The following NDUFA7 variants were observed in gnomAD, a reference collection of about 807,000 sequenced individuals.
The protein encoded by NDUFA7 is NADH:ubiquinone oxidoreductase subunit A7.
NDUFA7 carries 18 observed loss-of-function variants against 14.2 expected under a neutral mutation model. That is an observed-to-expected ratio of 1.27 (90% CI 0.88 to 1.88). The LOEUF (loss-of-function observed/expected upper bound fraction) is 1.88. Among genes scored for constraint, NDUFA7 ranks in the 40% most tolerant of loss-of-function variants. The pLI, the probability that NDUFA7 is intolerant of heterozygous loss-of-function variation, is 0.00. For synonymous variants in NDUFA7, 75 were observed against 62.1 expected, an observed-to-expected ratio of 1.21 and a Z score of -0.98; for missense variants, 172 against 147.3, an observed-to-expected ratio of 1.17 and a Z score of -0.87.
rs1388329535 is a variant in NDUFA7, at chr19:8,321,148, G to A, written c.51+160C>T. The A allele has an allele frequency of 1.5e-5, 15 of 1,017,406 alleles. No individual in the cohort carries two copies. In the East Asian group the frequency reaches 2.9e-4, roughly 20 times the overall value. 63.0% of individuals were successfully genotyped at this position (1,017,406 alleles called of 1,614,324 possible). A position where few individuals can be genotyped will look rare whatever the true frequency, so the allele number is the denominator to read the frequency against. On this transcript the variant is annotated intron_variant, in intron 1 of 3. Coordinates refer to ENST00000301457, the MANE Select transcript of NDUFA7 (RefSeq NM_005001.5). ...CAGGCCTGAGTGGTTCCCAGGCCAGGAGAGGGTCCCGGGCTGAAGGGGTGA... is the reference window on the plus strand; with the variant it reads ...CAGGCCTGAGTGGTTCCCAGGCCAGAAGAGGGTCCCGGGCTGAAGGGGTGA...
rs370793407 is a variant in NDUFA7 at position 8,311,519 on chromosome 19, G to C, written c.328C>G (p.Gln110Glu). ...PIKRWELSSD[Q>E]PYL ...AGGGTGCAGTGTCACAGGTAAGGCT[G>C]GTCCGAGGACAGCTCCCACCTCTTT... The change falls in exon 4 of 4, where the codon CAG (glutamine) becomes GAG (glutamate). Residue 110 changes from glutamine (Q) to glutamate (E), a missense_variant. Physicochemically the swap from Gln to Glu is conservative, Grantham distance 29. Transcript: ENST00000301457. 18 of 1,610,528 alleles carry C rather than the reference G, an allele frequency of 1.1e-5. No homozygotes were observed. Among genetic ancestry groups the C allele is most frequent in the Admixed American group, 1.7e-5 (1 of 59,642 alleles).
intron 3 of NDUFA7, among the ~76,000 whole-genome samples, chr19:8,315,693 G>A (rs901447986): frequency 6.6e-6 from 1 of 152,000 alleles, no homozygotes; most frequent in African/African-American, 2.4e-5. Flanking sequence ...TATGCTGAGC[G>A]CTGGTCCCCT....
In NDUFA7 at chr19:8,316,589, T is replaced by C. The variant is rs745552595; in HGVS notation, c.158A>G (p.Tyr53Cys). The C allele has an allele frequency of 9.9e-6, 16 of 1,613,826 alleles. No homozygotes were observed. The highest frequency in any genetic ancestry group is 1.3e-5 in the African/African-American group (1 of 74,828). Residue 53 changes from tyrosine (Y) to cysteine (C), a missense_variant, in exon 3 of 4, where the codon TAC (tyrosine) becomes TGC (cysteine). Tyr to Cys is a radical substitution (Grantham distance 194). Coordinates refer to ENST00000301457, the MANE Select transcript of NDUFA7 (RefSeq NM_005001.5). ...CCGGCGGCCATCGCGAGTGCAATAGTAATTGTTGGAGAGCTTGTGGCTAGG... is the reference window on the plus strand; with the variant it reads ...CCGGCGGCCATCGCGAGTGCAATAGCAATTGTTGGAGAGCTTGTGGCTAGG... ...VGPSHKLSNN[Y>C]YCTRDGRRES...
intron 2 of NDUFA7, among the ~76,000 whole-genome samples, chr19:8,318,975 GAA>G (rs113777570): frequency 1.7e-5 from 2 of 116,998 alleles, no homozygotes; most frequent in African/African-American, 6.0e-5. Context: ...TCTCAAAAAA[GAA>G]AAAAAAAAAA....
In NDUFA7 at chr19:8,316,574, T is replaced by C. The variant is rs532995788; in HGVS notation, c.173A>G (p.Asp58Gly). Residue 58 changes from aspartate to glycine, a missense_variant, in exon 3 of 4, where the codon GAT becomes GGT. Coordinates refer to ENST00000301457, the MANE Select transcript of NDUFA7 (RefSeq NM_005001.5). ...AGGGGGCACAGATTCCCGGCGGCCA[T>C]CGCGAGTGCAATAGTAATTGTTGGA... Reference protein sequence around the residue: ...KLSNNYYCTRDGRRESVPPSI... With the variant: ...KLSNNYYCTRGGRRESVPPSI... 264 of 1,614,058 alleles carry C rather than the reference T, an allele frequency of 1.6e-4. 1 individual carries two copies. The South Asian group carries it at 2.7e-3, about 17-fold the overall frequency.
At chr19:8,314,928 G>A (rs539463116) in intron 3 of NDUFA7, among the ~76,000 whole-genome samples, 17 of 152,286 alleles carry the variant, frequency 1.1e-4, no homozygotes, top group Non-Finnish European at 2.4e-4. Flanking sequence ...TTGTTAATGT[G>A]TCTGTGTAGA....
downstream of NDUFA7, among the ~76,000 whole-genome samples, chr19:8,309,697 C>T (rs192413320): frequency 6.6e-6 from 1 of 152,228 alleles, no homozygotes; most frequent in East Asian, 1.9e-4. Flanking sequence ...CTGGTACCTG[C>T]TGCCTGTAGC....
chr19:8,311,007 C>T (rs1970170861), downstream of NDUFA7, among the ~76,000 whole-genome samples: 1 of 152,162 alleles, frequency 6.6e-6, no homozygotes, highest in African/African-American at 2.4e-5. Context: ...AGCGCGAAAA[C>T]TCTGGCTCCT....
At chr19:8,320,291 T>C (rs972616508) in intron 2 of NDUFA7, among the ~76,000 whole-genome samples, 1 of 152,192 alleles carries the variant, frequency 6.6e-6, no homozygotes, top group Non-Finnish European at 1.5e-5. Context: ...TTATTTTGTT[T>C]TGTCTTCAAA....
chr19:8,317,042 C>A (rs997814346), intron 2 of NDUFA7, among the ~76,000 whole-genome samples: 6 of 152,124 alleles, frequency 3.9e-5, no homozygotes, highest in African/African-American at 9.7e-5. Context: ...AGGCTCTGGA[C>A]GCCCTGCGTT....
chr19:8,316,158 A>G (rs1970230977), intron 3 of NDUFA7, among the ~76,000 whole-genome samples: 1 of 151,592 alleles, frequency 6.6e-6, no homozygotes, highest in African/African-American at 2.4e-5. Flanking sequence ...CAAAAAAAAA[A>G]AAAAAAAAAA....
chr19:8,316,790 A>G, intron 2 of NDUFA7, 145 bp from the exon 3 acceptor site: 1 of 906,574 alleles, frequency 1.1e-6, no homozygotes, highest in Non-Finnish European at 1.7e-6. Context: ...CCCTTGGTAC[A>G]CTGGCAGGGA....
rs115951611 is a variant in NDUFA7 at position 8,313,118 on chromosome 19, G to A, written c.252-1523C>T. Among the ~76,000 whole-genome samples the A allele has an allele frequency of 6.2e-4, 94 of 151,296 alleles. 1 individual carries two copies. Among genetic ancestry groups the A allele is most frequent in the African/African-American group, 2.0e-3 (84 of 41,240 alleles). On this transcript the variant is annotated intron_variant, in intron 3 of 3. Transcript: ENST00000301457. ...AGCCTAAAAAATTTCTAATAGAGAC[G>A]GGGTCTCGCTGTGTTACTCAAACAA...
Position 8,316,512 on chromosome 19 carries a change from C to T in NDUFA7, c.235G>A (p.Gly79Ser). Residue 79 changes from glycine to serine, a missense_variant, in exon 3 of 4, where the codon GGC (glycine) becomes AGC (serine). Transcript: ENST00000301457. ...GATCCTCACCTCTCTGCTGGCTTGC[C>T]TGACACCAGCGCCTTCTGCGACGAC... ...IMSSQKALVS[G>S]KPAESSAVAA... 6.2e-6 allele frequency: 10 copies of T among 1,613,986 alleles called. No individual in the cohort carries two copies. Among genetic ancestry groups the T allele is most frequent in the Non-Finnish European group, 8.5e-6 (10 of 1,179,972 alleles).
chr19:8,317,492 G>A (rs923716864), intron 2 of NDUFA7, among the ~76,000 whole-genome samples: 8 of 152,128 alleles, frequency 5.3e-5, no homozygotes, highest in Admixed American at 1.3e-4. Context: ...CTGGGCGACA[G>A]AGCGAGACTC....
intron 2 of NDUFA7, chr19:8,319,481 A>C (rs1019190432): frequency 1.4e-4 from 21 of 150,358 alleles, no homozygotes; most frequent in African/African-American, 5.1e-4. Context: ...AATCGCTTGA[A>C]CCCGGGAGAT....
downstream of NDUFA7, chr19:8,311,237 TA>T: frequency 4.2e-6 from 1 of 236,596 alleles, no homozygotes; most frequent in Non-Finnish European, 8.3e-6. Context: ...TGGGAAGGTC[TA>T]AAAAATAAAA....
intron 2 of NDUFA7, among the ~76,000 whole-genome samples, chr19:8,318,632 C>A (rs1196313962): frequency 7.2e-6 from 1 of 139,646 alleles, no homozygotes; most frequent in Non-Finnish European, 1.5e-5. Flanking sequence ...TGCCACTGCA[C>A]TCCAGCCTGG....
rs759185546 is a variant in NDUFA7, at chr19:8,321,329, C to G, written c.30G>C (p.Arg10=). The G allele has an allele frequency of 2.5e-6, 4 of 1,580,230 alleles. No individual in the cohort carries two copies. In the South Asian group the frequency reaches 4.6e-5, roughly 18 times the overall value. The change falls in exon 1 of 4, where the codon CGG becomes CGC. Residue 10 remains arginine (R), a synonymous_variant. Coordinates refer to ENST00000301457, the MANE Select transcript of NDUFA7 (RefSeq NM_005001.5). MASATRLIQ[R]LRNWASGHDL... ...GCACCCCGGACGCCCAGTTCCGCAG[C>G]CGCTGGATGAGACGGGTGGCGGACG...
Sources: allele counts gnomAD v4.1 joint callset (sites outside exome capture counted in the v4.1 genomes callset), GRCh38; gene constraint gnomAD v4.1.1; transcripts MANE v1.5; gene names NCBI Gene and HGNC (gene_info 2026-07-23, HGNC 2026-07-21).